Variants in LRRFIP1 observed in about 807,000 individuals in gnomAD.
LRRFIP1 encodes leucine-rich repeat flightless-interacting protein 1.
Under a neutral mutation model 104.4 loss-of-function variants are expected in LRRFIP1, and 62 were observed. The ratio of observed to expected loss-of-function variants is 0.59; its 90% CI spans 0.48 to 0.73. The LOEUF is 0.73. Among genes scored for constraint, LRRFIP1 ranks in the 30% least tolerant of loss-of-function variants. LRRFIP1 has a pLI of 0.00. For missense variants in LRRFIP1, 796 were observed against 824.5 expected (o/e 0.97, Z 0.42); for synonymous variants, 300 against 299.0 (o/e 1.00, Z -0.03).
intron 14 of LRRFIP1, 112 bp downstream of exon 14, chr2:237,751,383 AGGG>A: frequency 1.3e-6 from 1 of 795,496 alleles, no homozygotes. Flanking sequence ...AATAGGCTCC[AGGG>A]TGTAGAAGAA....
At chr2:237,684,179 T>G (rs2092127674) in intron 1 of LRRFIP1, 5 of 152,068 alleles carry the variant, frequency 3.3e-5, no homozygotes, top group Admixed American at 3.3e-4. Flanking sequence ...TGCCATTTTT[T>G]TTTTTTTTTT....
At chr2:237,647,682 AGGGT>A (rs1278343246) in intron 1 of LRRFIP1, among the ~76,000 whole-genome samples, 3 of 115,888 alleles carry the variant, frequency 2.6e-5, no homozygotes, top group African/African-American at 8.6e-5. Flanking sequence ...GAGCAGGAGC[AGGGT>A]CACGCCCTGT....
At chr2:237,653,477 A>C (rs1275637547) in intron 1 of LRRFIP1, among the ~76,000 whole-genome samples, 1 of 152,212 alleles carries the variant, frequency 6.6e-6, no homozygotes, top group East Asian at 1.9e-4. Context: ...TCAAAACTCC[A>C]ATGACATTGC....
Position 237,735,435 on chromosome 2 carries a change from C to A in LRRFIP1, c.555+102C>A. Reference sequence around the variant, plus strand: ...GCCGTGGGGGGTGACTGGCCATTCTCAGGAGGAAGCGCCGAGTCACCGGGC... The same window carrying A: ...GCCGTGGGGGGTGACTGGCCATTCTAAGGAGGAAGCGCCGAGTCACCGGGC... On this transcript the variant is annotated intron_variant, in intron 10 of 23. Coordinates refer to ENST00000308482, the MANE Select transcript of LRRFIP1 (RefSeq NM_001137550.2). This position sits in a 1 kb window ranked among gnomAD's most constrained non-coding sequence, Gnocchi z 4.6. The A allele has an allele frequency of 9.2e-7, 1 of 1,087,806 alleles. No homozygotes were observed. Among genetic ancestry groups the A allele is most frequent in the African/African-American group, 1.6e-5 (1 of 63,078 alleles). The allele number at this position is 1,087,806 out of a possible 1,614,324, so 67.4% of individuals were successfully genotyped here.
chr2:237,672,761 C>T (rs1489606187), intron 1 of LRRFIP1, among the ~76,000 whole-genome samples: 1 of 152,180 alleles, frequency 6.6e-6, no homozygotes, highest in Admixed American at 6.5e-5. Flanking sequence ...TCTACTTTAT[C>T]ATATTTTGAA....
rs201450313 is a variant in LRRFIP1, at chr2:237,720,439, AGT to A, written c.295-330_295-329del. Among the ~76,000 whole-genome samples, 1,334 of 147,720 alleles carry A rather than the reference AGT, an allele frequency of 9.0e-3. 19 individuals carry two copies. The highest frequency in any genetic ancestry group is 0.031 in the African/African-American group (1,239 of 39,756). On this transcript the variant is annotated intron_variant, in intron 5 of 23. Transcript: ENST00000308482. ...ATTTTTGTATTTTTTGTAGAGACAG[AGT>A]GTTTCGCCTTGTTGGCCAGGCTGGT... is the stretch of plus-strand genomic sequence containing the variant.
At chr2:237,671,038 G>A (rs1030587080) in intron 1 of LRRFIP1, among the ~76,000 whole-genome samples, 3 of 152,126 alleles carry the variant, frequency 2.0e-5, no homozygotes, top group East Asian at 1.9e-4. Context: ...TCCATCCCTC[G>A]CATTTCATCT....
chr2:237,668,972 A>G (rs1354460061), intron 1 of LRRFIP1, among the ~76,000 whole-genome samples: 1 of 152,156 alleles, frequency 6.6e-6, no homozygotes, highest in African/African-American at 2.4e-5. Context: ...AGTCTCAATT[A>G]TGTGTCTCTA....
At chr2:237,705,700 G>T (rs1014615409) in intron 1 of LRRFIP1, among the ~76,000 whole-genome samples, 2 of 152,084 alleles carry the variant, frequency 1.3e-5, no homozygotes, top group Non-Finnish European at 2.9e-5. Context: ...AGCCTCTCTG[G>T]GTCCTGTGCT....
At chr2:237,635,664 TA>T (rs2082973615) in intron 1 of LRRFIP1, among the ~76,000 whole-genome samples, 1 of 152,114 alleles carries the variant, frequency 6.6e-6, no homozygotes, top group Non-Finnish European at 1.5e-5. Flanking sequence ...TTTAAAAATA[TA>T]TTTTTTTTAT....
chr2:237,780,063 C>T lies in LRRFIP1; in HGVS notation c.*531C>T, dbSNP rs368481083. On this transcript the variant is annotated 3_prime_UTR_variant, in exon 24 of 24. Coordinates refer to ENST00000308482, the MANE Select transcript of LRRFIP1 (RefSeq NM_001137550.2). Reference sequence around the variant, plus strand: ...CCAAGCAAAACTCTTTCACTGGAAACAAGGGGGCAGTCTAGAAGTAAAAGT... The same window carrying T: ...CCAAGCAAAACTCTTTCACTGGAAATAAGGGGGCAGTCTAGAAGTAAAAGT... 6.6e-6 allele frequency: 1 copy of T among 152,278 alleles called. No homozygotes were observed. The highest frequency in any genetic ancestry group is 1.9e-4 in the East Asian group (1 of 5,204). 9.4% of individuals were successfully genotyped at this position (152,278 alleles called of 1,614,324 possible).
At chr2:237,778,872 A>C (rs1343311859) in intron 23 of LRRFIP1, among the ~76,000 whole-genome samples, 1 of 151,664 alleles carries the variant, frequency 6.6e-6, no homozygotes, top group Non-Finnish European at 1.5e-5. Flanking sequence ...AGCCAAGATC[A>C]CACCGTTATA....
chr2:237,743,126 C>T (rs2057346212), intron 11 of LRRFIP1, among the ~76,000 whole-genome samples: 1 of 152,124 alleles, frequency 6.6e-6, no homozygotes, highest in African/African-American at 2.4e-5. Context: ...GGGAAATGCT[C>T]CCAGGCCGGG....
intron 1 of LRRFIP1, among the ~76,000 whole-genome samples, chr2:237,685,165 T>C (rs2092271013): frequency 6.6e-6 from 1 of 150,468 alleles, no homozygotes; most frequent in Non-Finnish European, 1.5e-5. Context: ...AGAGATGCTT[T>C]ACTGGAGGTG....
chr2:237,682,055 A>G (rs1463532367), intron 1 of LRRFIP1, among the ~76,000 whole-genome samples: 1 of 152,184 alleles, frequency 6.6e-6, no homozygotes, highest in Non-Finnish European at 1.5e-5. Flanking sequence ...GCTGCCTGAA[A>G]GACGGCAGAA....
chr2:237,696,705 T>A (rs910748438), intron 1 of LRRFIP1, among the ~76,000 whole-genome samples: 1 of 152,208 alleles, frequency 6.6e-6, no homozygotes, highest in Non-Finnish European at 1.5e-5. Context: ...GCCTGCTGAC[T>A]CGGAACTGGT....
chr2:237,777,188 C>T (rs571554034), intron 23 of LRRFIP1, among the ~76,000 whole-genome samples: 2 of 152,278 alleles, frequency 1.3e-5, no homozygotes, highest in East Asian at 3.9e-4. Flanking sequence ...TACATCCACA[C>T]ATAAATACTT....
chr2:237,731,662 G>T (rs3820811), intron 8 of LRRFIP1, among the ~76,000 whole-genome samples: 18,981 of 152,174 alleles, frequency 0.12, 1,459 homozygotes, highest in East Asian at 0.26. Flanking sequence ...ACTCATTTTC[G>T]ATAAGCTGAG....
At chr2:237,706,951 C>A (rs1227104322) in intron 1 of LRRFIP1, among the ~76,000 whole-genome samples, 1 of 152,124 alleles carries the variant, frequency 6.6e-6, no homozygotes, top group Non-Finnish European at 1.5e-5. Flanking sequence ...GCCCTTCACA[C>A]CATGTAATAT....
Sources: gnomAD v4.1 joint callset for allele counts (sites outside exome capture counted in the v4.1 genomes callset) on GRCh38, gnomAD v4.1.1 for gene constraint, Gnocchi (gnomAD v3.1) non-coding constraint, MANE v1.5 for transcripts, NCBI Gene and HGNC (gene_info 2026-07-23, HGNC 2026-07-21) for gene names.